SLC25A48: variants seen among roughly 807,000 people sequenced by gnomAD.
SLC25A48 encodes the protein CTC-321K16.1.
In SLC25A48, 29 loss-of-function variants were observed where a neutral mutation model predicts 32.2. The ratio of observed to expected loss-of-function variants is 0.90; its 90% CI spans 0.67 to 1.23. The LOEUF is 1.23. Ranked by LOEUF, SLC25A48 falls within the 50% of genes most tolerant of loss-of-function variation. The pLI, the probability that SLC25A48 is intolerant of heterozygous loss-of-function variation, is 0.00. For missense variants in SLC25A48, 399 were observed against 422.7 expected (o/e 0.94, Z 0.49); for synonymous variants, 164 against 172.3 (o/e 0.95, Z 0.38).
At chr5:135,882,284 A>AC (rs1561564481) in intron 7 of SLC25A48, among the ~76,000 whole-genome samples, 1 of 152,078 alleles carries the variant, frequency 6.6e-6, no homozygotes, top group Non-Finnish European at 1.5e-5. Context: ...TCCTGCTCTA[A>AC]CCCCCAAATA....
At chr5:135,875,499 A>C (rs532123795) in intron 6 of SLC25A48, 8 of 152,410 alleles carry the variant, frequency 5.2e-5, no homozygotes, top group African/African-American at 1.9e-4. Flanking sequence ...CAGAACTACC[A>C]GAAGTCACTG....
chr5:135,630,588 CTTTTTTTTT>C lies in SLC25A48; in HGVS notation c.-709+1237_-709+1245del, dbSNP rs869088370. ...AGGGGAAGATGGTTAGGCTGGGCAC[CTTTTTTTTT>C]TTTTTTTTTTTTTTTTTTTTTTTTG... On this transcript the variant is annotated intron_variant, in intron 2 of 10. Coordinates refer to the SLC25A48 transcript ENST00000646290. Among the ~76,000 whole-genome samples the C allele has an allele frequency of 4.8e-3, 282 of 58,906 alleles. 1 individual carries two copies. The highest frequency in any genetic ancestry group is 0.016 in the African/African-American group (256 of 16,342). 38.6% of individuals were successfully genotyped at this position (58,906 alleles called of 152,430 possible). A position where few individuals can be genotyped will look rare whatever the true frequency, so the allele number is the denominator to read the frequency against.
intron 3 of SLC25A48, among the ~76,000 whole-genome samples, chr5:135,800,524 C>T (rs1020727661): frequency 6.6e-6 from 1 of 151,816 alleles, no homozygotes; most frequent in Non-Finnish European, 1.5e-5. Flanking sequence ...AGGGGGTGTA[C>T]ACCCCGCCTG....
At chr5:135,811,277 T>G (rs1757585284) in intron 3 of SLC25A48, among the ~76,000 whole-genome samples, 1 of 152,232 alleles carries the variant, frequency 6.6e-6, no homozygotes, top group South Asian at 2.1e-4. Flanking sequence ...GTGACATGGA[T>G]GAGCCTACAG....
chr5:135,840,096 G>C (rs1758866561), intron 1 of SLC25A48, among the ~76,000 whole-genome samples: 1 of 152,172 alleles, frequency 6.6e-6, no homozygotes, highest in African/African-American at 2.4e-5. Context: ...AAATTGTACA[G>C]GTCTTTTGAG....
intron 3 of SLC25A48, among the ~76,000 whole-genome samples, chr5:135,784,686 G>A (rs1756793619): frequency 8.4e-6 from 1 of 118,608 alleles, no homozygotes; most frequent in African/African-American, 2.6e-5. Flanking sequence ...GGGAGAAGAT[G>A]ATGTTACTCC....
At chr5:135,585,374 C>T (rs182424291) in intron 1 of SLC25A48, among the ~76,000 whole-genome samples, 39 of 152,200 alleles carry the variant, frequency 2.6e-4, no homozygotes, top group African/African-American at 9.2e-4. Flanking sequence ...TACAGGGAAG[C>T]CCTCCTTGAC....
rs1751416700 is a variant in SLC25A48, at chr5:135,588,195, A to T, written c.-849+8598A>T. Among the ~76,000 whole-genome samples, 4 of 152,300 alleles carry T rather than the reference A, an allele frequency of 2.6e-5. 1 individual carries two copies. The South Asian group carries it at 8.3e-4, about 32-fold the overall frequency. ...AGAAGTATTGTACAAGTTTTTCCTG[A>T]GTTTTTGTCTTTGAAGATGAAACAT... On this transcript the variant is annotated intron_variant, in intron 1 of 10. Transcript: ENST00000646290.
intron 3 of SLC25A48, among the ~76,000 whole-genome samples, chr5:135,678,397 C>T (rs935625953): frequency 6.6e-6 from 1 of 152,056 alleles, no homozygotes; most frequent in Non-Finnish European, 1.5e-5. Flanking sequence ...TAATATCTAT[C>T]TCTCTGGTAA....
At position 135,638,224 on chromosome 5, in the gene SLC25A48, CA is replaced by C. The variant is rs1561769464; in HGVS notation, c.-521+3275del. On this transcript the variant is annotated intron_variant, in intron 3 of 10. Coordinates refer to the SLC25A48 transcript ENST00000646290. ...ACTATGCTTTGGTATTGAAATAAAACAAAAAAAGAGTAGATGTAAAACTGAT... is the reference window on the plus strand; with the variant it reads ...ACTATGCTTTGGTATTGAAATAAAACAAAAAAGAGTAGATGTAAAACTGAT... Among the ~76,000 whole-genome samples the C allele has an allele frequency of 2.0e-5, 3 of 151,600 alleles. No homozygotes were observed. The South Asian group carries it at 6.3e-4, about 32-fold the overall frequency.
chr5:135,772,119 AAAT>A (rs145457650), intron 3 of SLC25A48, among the ~76,000 whole-genome samples: 1,843 of 151,504 alleles, frequency 0.012, 36 homozygotes, highest in African/African-American at 0.042. Context: ...GAGGGAGAAA[AAAT>A]AATATTACTC....
intron 2 of SLC25A48, among the ~76,000 whole-genome samples, chr5:135,844,217 G>A (rs1476629667): frequency 6.6e-6 from 1 of 152,220 alleles, no homozygotes; most frequent in Non-Finnish European, 1.5e-5. Flanking sequence ...GCTGGGCACA[G>A]CCTCCCTGGG....
chr5:135,613,352 G>T (rs1752116667), intron 1 of SLC25A48, among the ~76,000 whole-genome samples: 1 of 152,016 alleles, frequency 6.6e-6, no homozygotes, highest in Non-Finnish European at 1.5e-5. Flanking sequence ...TGAATACTTT[G>T]CAAATATTTT....
chr5:135,841,950 T>C (rs1055207013), intron 1 of SLC25A48, among the ~76,000 whole-genome samples: 2 of 152,190 alleles, frequency 1.3e-5, no homozygotes, highest in Non-Finnish European at 2.9e-5. Context: ...AATGCACCCA[T>C]CTGCTATATT....
rs6893093 is a variant in SLC25A48 at position 135,853,566 on chromosome 5, C to A, written c.421+745C>A. 6.7e-3 allele frequency among the ~76,000 whole-genome samples: 1,013 copies of A among 152,312 alleles called. 8 individuals are homozygous for A. The highest frequency in any genetic ancestry group is 0.023 in the African/African-American group (964 of 41,560). ...CATCCATAAGAAGTAACTCTTCATC[C>A]GTTAAATATTATCATGAGATTGCAC... On this transcript the variant is annotated intron_variant, in intron 4 of 7. Transcript: ENST00000681962.
At chr5:135,669,630 G>A (rs916070061) in intron 3 of SLC25A48, among the ~76,000 whole-genome samples, 1 of 152,186 alleles carries the variant, frequency 6.6e-6, no homozygotes, top group East Asian at 1.9e-4. Flanking sequence ...GTTGAGGGCT[G>A]CTTCTAAGAG....
chr5:135,728,682 G>A (rs1755150279), intron 3 of SLC25A48, among the ~76,000 whole-genome samples: 1 of 152,048 alleles, frequency 6.6e-6, no homozygotes, highest in African/African-American at 2.4e-5. Flanking sequence ...GAAATTGCTG[G>A]TGCCTTCTTG....
intron 3 of SLC25A48, among the ~76,000 whole-genome samples, chr5:135,767,490 T>G (rs1327565886): frequency 6.6e-6 from 1 of 151,988 alleles, no homozygotes; most frequent in Non-Finnish European, 1.5e-5. Context: ...CTGGTGATAT[T>G]GTTCATAATA....
intron 2 of SLC25A48, among the ~76,000 whole-genome samples, chr5:135,848,367 C>A (rs1759580524): frequency 6.6e-6 from 1 of 152,108 alleles, no homozygotes; most frequent in Non-Finnish European, 1.5e-5. Context: ...CAGAGAGAGA[C>A]CTGCACCCCT....
Sources: gnomAD v4.1 joint callset for allele counts (sites outside exome capture counted in the v4.1 genomes callset) on GRCh38, gnomAD v4.1.1 for gene constraint, MANE v1.5 for transcripts, NCBI Gene and HGNC (gene_info 2026-07-23, HGNC 2026-07-21) for gene names.